DMD: variants seen among roughly 807,000 people sequenced by gnomAD.
The protein encoded by DMD is dystrophin.
DMD carries 63 observed loss-of-function variants against 330.1 expected under a neutral mutation model. The ratio of observed to expected loss-of-function variants is 0.19; its 90% CI spans 0.16 to 0.24. DMD has a LOEUF of 0.24. DMD is among the 10% of genes least tolerant of loss of function. DMD has a pLI of 1.00. For synonymous variants in DMD, 1,223 were observed against 959.8 expected (o/e 1.27, Z -5.07); for missense variants, 3,344 against 2,684.1 (o/e 1.25, Z -5.43).
At chrX:31,517,587 T>C (rs950949084) in intron 55 of DMD, among the ~76,000 whole-genome samples, 5 of 110,892 alleles carry the variant, frequency 4.5e-5, no homozygotes, top group Non-Finnish European at 7.5e-5. Flanking sequence ...GTAATGATTA[T>C]TGGGAGGATG....
chrX:32,813,725 G>A (rs1382304003), intron 6 of DMD, among the ~76,000 whole-genome samples: 3 of 111,215 alleles, frequency 2.7e-5, no homozygotes, highest in Admixed American at 9.7e-5. Context: ...AATGTAATCC[G>A]AAATGGGAGG....
At chrX:31,135,408 CTG>C (rs757437105) in intron 76 of DMD, among the ~76,000 whole-genome samples, 7 of 112,317 alleles carry the variant, frequency 6.2e-5, no homozygotes, top group Non-Finnish European at 1.3e-4. Flanking sequence ...ATTCTAAAAA[CTG>C]TAGATATGGC....
chrX:31,905,892 A>G lies in DMD; in HGVS notation c.6912+23704T>C, dbSNP rs1459055247. 5.4e-5 allele frequency among the ~76,000 whole-genome samples: 6 copies of G among 112,107 alleles called. No homozygotes were observed. In the East Asian group the frequency reaches 1.7e-3, roughly 31 times the overall value. On this transcript the variant is annotated intron_variant, in intron 47 of 78. Transcript: ENST00000357033. ...GGCTTCAAAATGCATGAAAAATTAT[A>G]AAGTGAATTTTTAAATGGTTCATGA...
chrX:33,101,458 C>T (rs1236447798), intron 1 of DMD, among the ~76,000 whole-genome samples: 1 of 111,650 alleles, frequency 9.0e-6, no homozygotes, highest in Non-Finnish European at 1.9e-5. Flanking sequence ...AGTGAAACCC[C>T]GTCTCTACTA....
At chrX:31,561,272 C>G (rs1007134048) in intron 55 of DMD, among the ~76,000 whole-genome samples, 2 of 111,980 alleles carry the variant, frequency 1.8e-5, no homozygotes, top group African/African-American at 6.5e-5. Context: ...CACACTCTCC[C>G]AAAATCCCAG....
chrX:32,000,828 A>G (rs768014943), intron 44 of DMD, among the ~76,000 whole-genome samples: 1 of 111,786 alleles, frequency 8.9e-6, no homozygotes, highest in Non-Finnish European at 1.9e-5. Context: ...CAAGTTCTCA[A>G]TGGCCACATT....
chrX:33,021,551 C>T (rs1005205757), intron 1 of DMD, among the ~76,000 whole-genome samples: 1 of 111,037 alleles, frequency 9.0e-6, no homozygotes, highest in Admixed American at 9.6e-5. Context: ...AGTAAATCTC[C>T]GTTGCTTCTC....
intron 9 of DMD, among the ~76,000 whole-genome samples, chrX:32,648,670 C>T (rs2059932186): frequency 8.9e-6 from 1 of 111,803 alleles, no homozygotes; most frequent in African/African-American, 3.2e-5. Context: ...AGAAATTTGC[C>T]TGAATTCTAC....
At position 32,934,997 on chromosome X, in the gene DMD, G is replaced by A. The variant is rs1223404186; in HGVS notation, c.93+85142C>T. On this transcript the variant is annotated intron_variant, in intron 2 of 78. Transcript: ENST00000357033. ...GCACACTACCGCCCATGGGCTCCCC[G>A]GCTCTGGAGTGAGTGCACTTCCCCA... Among the ~76,000 whole-genome samples, 6 of 113,039 alleles carry A rather than the reference G, an allele frequency of 5.3e-5. No homozygotes were observed. In the Admixed American group the frequency reaches 5.6e-4, roughly 10 times the overall value.
chrX:32,474,752 T>C (rs2041048621), intron 21 of DMD, among the ~76,000 whole-genome samples: 1 of 111,820 alleles, frequency 8.9e-6, no homozygotes, highest in East Asian at 2.8e-4. Context: ...TTCTGGATAT[T>C]AGTCCTTTGT....
chrX:32,356,159 C>T (rs749377704), intron 37 of DMD, among the ~76,000 whole-genome samples: 2 of 109,343 alleles, frequency 1.8e-5, no homozygotes, highest in Admixed American at 2.0e-4. Context: ...TATTTCCCAC[C>T]GAAGTTTAGG....
intron 55 of DMD, among the ~76,000 whole-genome samples, chrX:31,577,011 G>A (rs966352265): frequency 2.7e-5 from 3 of 111,878 alleles, no homozygotes; most frequent in Admixed American, 9.5e-5. Context: ...CACCGCGCCC[G>A]GCCGATGAGT....
chrX:32,619,828 C>G (rs979463828), intron 11 of DMD, among the ~76,000 whole-genome samples: 1 of 111,339 alleles, frequency 9.0e-6, no homozygotes, highest in Non-Finnish European at 1.9e-5. Flanking sequence ...ACCTAGCATC[C>G]CCGGAACTGG....
chrX:32,975,860 C>T (rs2092535058), intron 2 of DMD, among the ~76,000 whole-genome samples: 1 of 111,564 alleles, frequency 9.0e-6, no homozygotes, highest in African/African-American at 3.3e-5. Flanking sequence ...AGACTCCATT[C>T]CTTCAGATTC....
Position 32,205,002 on chromosome X carries a change from C to CA in DMD, c.6438+11913_6438+11914insT, listed in dbSNP as rs1569550718. 5.5e-3 allele frequency among the ~76,000 whole-genome samples: 251 copies of CA among 45,968 alleles called. 9 individuals carry two copies. In the East Asian group the frequency reaches 0.11, roughly 19 times the overall value. 39.9% of individuals were successfully genotyped at this position (45,968 alleles called of 115,157 possible). On this transcript the variant is annotated intron_variant, in intron 44 of 78. Coordinates refer to ENST00000357033, the MANE Select transcript of DMD (RefSeq NM_004006.3). ...TCTCTCTCTCTCTCTCTCTCTCTCTCTCTCACATACACACACACACACACA... is the reference window on the plus strand; with the variant it reads ...TCTCTCTCTCTCTCTCTCTCTCTCTCATCTCACATACACACACACACACACA...
chrX:33,056,651 C>G (rs2094521489), intron 1 of DMD, among the ~76,000 whole-genome samples: 1 of 110,633 alleles, frequency 9.0e-6, no homozygotes, highest in Non-Finnish European at 1.9e-5. Flanking sequence ...TGTGAGCCAC[C>G]GCGCCCCGGC....
At chrX:32,240,541 T>C (rs748929733) in intron 43 of DMD, among the ~76,000 whole-genome samples, 1 of 111,625 alleles carries the variant, frequency 9.0e-6, no homozygotes, top group Non-Finnish European at 1.9e-5. Flanking sequence ...ATCCAGTCTA[T>C]GGTATTTTGT....
intron 47 of DMD, among the ~76,000 whole-genome samples, chrX:31,878,159 T>C (rs2093998208): frequency 8.9e-6 from 1 of 112,231 alleles, no homozygotes; most frequent in African/African-American, 3.2e-5. Flanking sequence ...ATTTGACTAA[T>C]ATCTGGAATA....
intron 16 of DMD, among the ~76,000 whole-genome samples, chrX:32,562,734 T>A (rs1371419390): frequency 8.9e-6 from 1 of 112,119 alleles, no homozygotes; most frequent in Non-Finnish European, 1.9e-5. Flanking sequence ...CAAGGTCAAT[T>A]TAACATGGAT....
Sources: gnomAD v4.1 joint callset for allele counts (sites outside exome capture counted in the v4.1 genomes callset) on GRCh38, gnomAD v4.1.1 for gene constraint, MANE v1.5 for transcripts, NCBI Gene and HGNC (gene_info 2026-07-23, HGNC 2026-07-21) for gene names.